Variants in SHISA9 observed in about 807,000 individuals in gnomAD.
SHISA9 encodes the protein protein shisa-9.
Under a neutral mutation model 38.0 loss-of-function variants are expected in SHISA9, and 13 were observed. The ratio of observed to expected loss-of-function variants is 0.34; its 90% CI spans 0.22 to 0.54. SHISA9 has a LOEUF of 0.54. Ranked by LOEUF, SHISA9 falls within the 20% of genes least tolerant of loss-of-function variation. SHISA9 has a pLI of 0.91. For missense variants in SHISA9, 538 were observed against 575.8 expected, an observed-to-expected ratio of 0.93 and a Z score of 0.67; for synonymous variants, 275 against 242.0, an observed-to-expected ratio of 1.14 and a Z score of -1.27.
chr16:13,073,629 C>T (rs1203748239), intron 2 of SHISA9, among the ~76,000 whole-genome samples: 1 of 152,082 alleles, frequency 6.6e-6, no homozygotes, highest in Admixed American at 6.5e-5. Context: ...GAACCTGTGG[C>T]CATGACCTTA....
At chr16:13,423,091 G>A in the SHISA9 span, among the ~76,000 whole-genome samples, 1 of 152,192 alleles carries the variant, frequency 6.6e-6, no homozygotes, top group African/African-American at 2.4e-5. Context: ...AGAGGAAGGA[G>A]CTTGATCAGC....
the SHISA9 span, among the ~76,000 whole-genome samples, chr16:13,491,781 C>T: frequency 7.0e-6 from 1 of 142,416 alleles, no homozygotes; most frequent in Non-Finnish European, 1.5e-5. Flanking sequence ...TGAGCCACTG[C>T]ACCTGGCCTG....
intron 2 of SHISA9, among the ~76,000 whole-genome samples, chr16:13,034,991 G>GA (rs1169298654): frequency 2.6e-5 from 4 of 152,212 alleles, no homozygotes; most frequent in Non-Finnish European, 2.9e-5. Flanking sequence ...CTAATAAAAT[G>GA]CTTTTTTTAA....
At chr16:13,450,473 T>A in the SHISA9 span, among the ~76,000 whole-genome samples, 1 of 152,240 alleles carries the variant, frequency 6.6e-6, no homozygotes, top group African/African-American at 2.4e-5. Flanking sequence ...TCAACTTTCA[T>A]GGGTCTCCTC....
At chr16:12,934,712 C>T (rs925631330) in intron 2 of SHISA9, among the ~76,000 whole-genome samples, 4 of 152,164 alleles carry the variant, frequency 2.6e-5, no homozygotes, top group Non-Finnish European at 4.4e-5. Context: ...CCTTTAAAAT[C>T]GCTTACCAAA....
At position 12,916,237 on chromosome 16, in the gene SHISA9, T is replaced by C. The variant is rs1437266090; in HGVS notation, c.564-451T>C. Among the ~76,000 whole-genome samples the C allele has an allele frequency of 2.0e-5, 3 of 152,172 alleles. No homozygotes were observed. The East Asian group carries it at 5.8e-4, about 29-fold the overall frequency. ...CCTCATAATGTGTTTTGTGCTGTTT[T>C]GTTTAGTTAAGACGTAATGCGATTA... On this transcript the variant is annotated intron_variant, in intron 1 of 4. Coordinates refer to ENST00000558583, the MANE Select transcript of SHISA9 (RefSeq NM_001145204.3).
chr16:13,178,546 A>T (rs543167786), intron 2 of SHISA9, among the ~76,000 whole-genome samples: 5 of 152,126 alleles, frequency 3.3e-5, no homozygotes, highest in African/African-American at 7.2e-5. Flanking sequence ...AGCCCTCAAC[A>T]TTTAACCATT....
At chr16:12,972,168 A>G (rs914145380) in intron 2 of SHISA9, among the ~76,000 whole-genome samples, 3 of 152,038 alleles carry the variant, frequency 2.0e-5, no homozygotes, top group African/African-American at 7.2e-5. Flanking sequence ...ATCATTTCCA[A>G]TGGTTGTAAG....
chr16:13,024,989 C>T (rs1443454596), intron 2 of SHISA9, among the ~76,000 whole-genome samples: 1 of 152,120 alleles, frequency 6.6e-6, no homozygotes, highest in South Asian at 2.1e-4. Flanking sequence ...TTATCTCATG[C>T]ATGCTCATAA....
chr16:13,400,001 G>T, the SHISA9 span, among the ~76,000 whole-genome samples: 1 of 152,206 alleles, frequency 6.6e-6, no homozygotes, highest in African/African-American at 2.4e-5. Flanking sequence ...AGCGTATCAG[G>T]TGCTCTCAGT....
intron 2 of SHISA9, among the ~76,000 whole-genome samples, chr16:13,077,695 T>C (rs954771545): frequency 2.6e-5 from 4 of 152,120 alleles, no homozygotes; most frequent in African/African-American, 9.7e-5. Flanking sequence ...CATGTGACTC[T>C]CAGGTGGGCA....
At chr16:13,127,293 A>G (rs2050269348) in intron 2 of SHISA9, among the ~76,000 whole-genome samples, 2 of 120,350 alleles carry the variant, frequency 1.7e-5, no homozygotes, top group African/African-American at 3.2e-5. Context: ...AAAGAGATGG[A>G]GGGAGAGAGA....
At chr16:12,938,847 T>C (rs1156808846) in intron 2 of SHISA9, among the ~76,000 whole-genome samples, 1 of 152,090 alleles carries the variant, frequency 6.6e-6, no homozygotes, top group Non-Finnish European at 1.5e-5. Context: ...TTGTGGTGTA[T>C]CTTAATTTTC....
chr16:13,155,360 T>G (rs1261877364), intron 2 of SHISA9, among the ~76,000 whole-genome samples: 1 of 152,228 alleles, frequency 6.6e-6, no homozygotes, highest in Non-Finnish European at 1.5e-5. Context: ...TGAAATGGAT[T>G]GAAATGGAAA....
At chr16:13,268,157 TG>T in the SHISA9 span, among the ~76,000 whole-genome samples, 1 of 151,944 alleles carries the variant, frequency 6.6e-6, no homozygotes, top group Non-Finnish European at 1.5e-5. Context: ...TGATAGACAC[TG>T]GGGGTAAAAA....
the SHISA9 span, among the ~76,000 whole-genome samples, chr16:13,451,851 A>G: frequency 1.3e-5 from 2 of 152,328 alleles, no homozygotes; most frequent in South Asian, 2.1e-4. Flanking sequence ...TGCCCTGTGC[A>G]TAACTTTGAG....
chr16:13,146,093 T>G (rs2142000228), intron 2 of SHISA9, among the ~76,000 whole-genome samples: 1 of 152,134 alleles, frequency 6.6e-6, no homozygotes, highest in South Asian at 2.1e-4. Context: ...GAGGCTGAGG[T>G]GGGAGAATTT....
In SHISA9 at chr16:13,236,105, C is replaced by A. The variant is rs1467561436; in HGVS notation, c.*696C>A. ...CAAACTCACAGAAAGTAAATAGACC[C>A]TGAACCCACCGACAATGATGGGAAG... On this transcript the variant is annotated 3_prime_UTR_variant, in exon 5 of 5. Coordinates refer to ENST00000558583, the MANE Select transcript of SHISA9 (RefSeq NM_001145204.3). The A allele has an allele frequency of 1.3e-5, 2 of 152,024 alleles. No individual in the cohort carries two copies. The highest frequency in any genetic ancestry group is 6.6e-5 in the Admixed American group (1 of 15,244). The allele number at this position is 152,024 out of a possible 1,614,324, so 9.4% of individuals were successfully genotyped here. A position where few individuals can be genotyped will look rare whatever the true frequency, so the allele number is the denominator to read the frequency against.
At chr16:12,921,188 G>C (rs1248893777) in intron 2 of SHISA9, among the ~76,000 whole-genome samples, 1 of 152,178 alleles carries the variant, frequency 6.6e-6, no homozygotes, top group Non-Finnish European at 1.5e-5. Flanking sequence ...GATGTTACGT[G>C]ATTTAGTTTG....
Sources: allele counts gnomAD v4.1 joint callset (sites outside exome capture counted in the v4.1 genomes callset), GRCh38; gene constraint gnomAD v4.1.1; transcripts MANE v1.5; gene names NCBI Gene and HGNC (gene_info 2026-07-23, HGNC 2026-07-21).